The following SH3GL2 variants were observed in gnomAD, a reference collection of about 807,000 sequenced individuals.
The protein encoded by SH3GL2 is endophilin-A1.
In SH3GL2, 24 loss-of-function variants were observed where a neutral mutation model predicts 46.0. That is an observed-to-expected ratio of 0.52 (90% confidence interval 0.38 to 0.73). The LOEUF is 0.73. SH3GL2 is among the 30% of genes least tolerant of loss of function. The pLI, the probability that SH3GL2 is intolerant of heterozygous loss-of-function variation, is 0.00. For synonymous variants in SH3GL2, 196 were observed against 147.1 expected, an observed-to-expected ratio of 1.33 and a Z score of -2.40; for missense variants, 413 against 424.2, an observed-to-expected ratio of 0.97 and a Z score of 0.23.
At position 17,793,374 on chromosome 9, in the gene SH3GL2, C is replaced by G. The variant is rs768458601; in HGVS notation, c.736C>G (p.Gln246Glu). The change falls in exon 8 of 9, where the codon CAG (glutamine) becomes GAG (glutamate). Residue 246 changes from glutamine (Q) to glutamate (E), a missense_variant. Gln to Glu is a conservative substitution (Grantham distance 29). This residue lies in a region of SH3GL2 where 248 missense variants were observed against 215.0 expected (regional missense o/e 1.15). Transcript: ENST00000380607. ...VTVRLEERIR[Q>E]ASSQPRREYQ... ...CTTTTCTTTTTACTGCAGAATAAGA[C>G]AGGCTTCATCTCAGCCTAGAAGGGA... is the stretch of plus-strand genomic sequence containing the variant. 1.9e-6 allele frequency: 3 copies of G among 1,610,566 alleles called. No homozygotes were observed. Among genetic ancestry groups the G allele is most frequent in the South Asian group, 2.2e-5 (2 of 90,552 alleles).
rs72717206 is a variant in SH3GL2 at position 17,752,524 on chromosome 9, G to A, written c.114+5390G>A. On this transcript the variant is annotated intron_variant, in intron 2 of 8. Coordinates refer to ENST00000380607, the MANE Select transcript of SH3GL2 (RefSeq NM_003026.5). ...TTTACTTACTTATGTGGAGATTGAGGTCTCACTCTATTGTCCAGGCTGGAG... is the reference window on the plus strand; with the variant it reads ...TTTACTTACTTATGTGGAGATTGAGATCTCACTCTATTGTCCAGGCTGGAG... Among the ~76,000 whole-genome samples, 109 of 151,994 alleles carry A rather than the reference G, an allele frequency of 7.2e-4. 1 individual carries two copies. Among genetic ancestry groups the A allele is most frequent in the Non-Finnish European group, 1.1e-3 (75 of 67,984 alleles).
At chr9:17,684,793 C>A (rs999277117) in intron 1 of SH3GL2, among the ~76,000 whole-genome samples, 2 of 152,072 alleles carry the variant, frequency 1.3e-5, no homozygotes, top group African/African-American at 2.4e-5. Context: ...ACAGTGTTAA[C>A]AGAATAAACT....
chr9:17,737,994 A>G (rs368596975), intron 1 of SH3GL2, among the ~76,000 whole-genome samples: 6 of 152,110 alleles, frequency 3.9e-5, no homozygotes, highest in East Asian at 3.9e-4. Flanking sequence ...TTCTCTCTCA[A>G]CTATGTTCTA....
At chr9:17,633,589 G>C (rs1340526841) in intron 1 of SH3GL2, among the ~76,000 whole-genome samples, 1 of 152,076 alleles carries the variant, frequency 6.6e-6, no homozygotes, top group African/African-American at 2.4e-5. Context: ...GTGTTCTTTA[G>C]TGTTTTGGCA....
intron 1 of SH3GL2, among the ~76,000 whole-genome samples, chr9:17,666,576 G>A (rs10963192): frequency 0.014 from 1,391 of 100,548 alleles, 19 homozygotes; most frequent in Admixed American, 0.055. Flanking sequence ...GTGTGTGTGT[G>A]TGTATATACA....
At chr9:17,621,414 T>C (rs995581672) in intron 1 of SH3GL2, among the ~76,000 whole-genome samples, 2 of 152,230 alleles carry the variant, frequency 1.3e-5, no homozygotes, top group Non-Finnish European at 2.9e-5. Flanking sequence ...GTCCTGATGA[T>C]TTTTGTGGCA....
chr9:17,756,432 C>T (rs866321101), intron 2 of SH3GL2, among the ~76,000 whole-genome samples: 2 of 150,898 alleles, frequency 1.3e-5, no homozygotes, highest in Non-Finnish European at 2.9e-5. Flanking sequence ...CCCATTAACT[C>T]GTCATTTACA....
intron 1 of SH3GL2, among the ~76,000 whole-genome samples, chr9:17,715,520 C>T (rs190574002): frequency 7.2e-5 from 11 of 151,784 alleles, no homozygotes; most frequent in African/African-American, 2.4e-4. Context: ...TTCATTTTCT[C>T]CATGTGTTTC....
chr9:17,585,928 A>G (rs1158536290), intron 1 of SH3GL2, among the ~76,000 whole-genome samples: 1 of 152,178 alleles, frequency 6.6e-6, no homozygotes, highest in Non-Finnish European at 1.5e-5. Context: ...TTTGGTTTAG[A>G]ATTTATTGTT....
At chr9:17,658,180 C>T (rs1378948196) in intron 1 of SH3GL2, among the ~76,000 whole-genome samples, 1 of 152,108 alleles carries the variant, frequency 6.6e-6, no homozygotes, top group Non-Finnish European at 1.5e-5. Flanking sequence ...TAAGATGCTG[C>T]CTTTTGGACA....
At chr9:17,738,351 C>T (rs1039923553) in intron 1 of SH3GL2, among the ~76,000 whole-genome samples, 1 of 151,622 alleles carries the variant, frequency 6.6e-6, no homozygotes, top group African/African-American at 2.4e-5. Context: ...CTCTTTTCCT[C>T]CCTTTCCTAA....
At position 17,762,263 on chromosome 9, in the gene SH3GL2, C is replaced by T. The variant is rs542916192; in HGVS notation, c.187+754C>T. Among the ~76,000 whole-genome samples, 6 of 152,200 alleles carry T rather than the reference C, an allele frequency of 3.9e-5. 1 individual carries two copies. Among genetic ancestry groups the T allele is most frequent in the African/African-American group, 1.4e-4 (6 of 41,518 alleles). On this transcript the variant is annotated intron_variant, in intron 3 of 8. Coordinates refer to ENST00000380607, the MANE Select transcript of SH3GL2 (RefSeq NM_003026.5). ...GTGAGATGTGTGAATATTTGGAATA[C>T]CCCTTAATCTTGAGGCTAGTTTCTT...
intron 1 of SH3GL2, among the ~76,000 whole-genome samples, chr9:17,656,565 G>T (rs959095493): frequency 1.3e-5 from 2 of 152,068 alleles, no homozygotes; most frequent in Middle Eastern, 3.4e-3. Context: ...CCTGTGATTG[G>T]TATGTTTTAT....
At chr9:17,793,984 C>G (rs924377552) in intron 8 of SH3GL2, among the ~76,000 whole-genome samples, 1 of 152,216 alleles carries the variant, frequency 6.6e-6, no homozygotes, top group Non-Finnish European at 1.5e-5. Flanking sequence ...GTCACAGAAG[C>G]ATATGGTTAA....
chr9:17,769,072 C>T (rs890955002), intron 3 of SH3GL2, among the ~76,000 whole-genome samples: 12 of 152,166 alleles, frequency 7.9e-5, no homozygotes, highest in Non-Finnish European at 1.5e-4. Context: ...TCAAAGCCTT[C>T]GCTGGGGTCT....
chr9:17,774,883 A>G (rs1823597207), intron 3 of SH3GL2, among the ~76,000 whole-genome samples: 1 of 151,076 alleles, frequency 6.6e-6, no homozygotes, highest in Non-Finnish European at 1.5e-5. Flanking sequence ...AATATTTGGT[A>G]GAAGTCACTG....
intron 6 of SH3GL2, chr9:17,789,803 T>TA (rs1170889069): frequency 1.0e-6 from 1 of 973,444 alleles, no homozygotes; most frequent in African/African-American, 1.8e-5. Context: ...CTCCTTAACT[T>TA]ATGATGGGGT....
intron 1 of SH3GL2, among the ~76,000 whole-genome samples, chr9:17,588,172 C>A (rs1013397486): frequency 4.6e-5 from 7 of 152,142 alleles, no homozygotes; most frequent in African/African-American, 1.4e-4. Context: ...GTTCTGCCAT[C>A]TGTAACATAT....
chr9:17,584,326 C>T (rs1264937065), intron 1 of SH3GL2, among the ~76,000 whole-genome samples: 2 of 152,090 alleles, frequency 1.3e-5, no homozygotes, highest in African/African-American at 4.8e-5. Context: ...TGCAGTGAAA[C>T]CTCGTCTCTA....
Sources: allele counts gnomAD v4.1 joint callset (sites outside exome capture counted in the v4.1 genomes callset), GRCh38; gene constraint gnomAD v4.1.1; regional missense constraint gnomAD v4.1.1; transcripts MANE v1.5; gene names NCBI Gene and HGNC (gene_info 2026-07-23, HGNC 2026-07-21).